Variants in MACROD2 observed in about 807,000 individuals in gnomAD.
MACROD2 encodes the protein mono-ADP ribosylhydrolase 2, also known as ADP-ribose glycohydrolase MACROD2.
MACROD2 carries 36 observed loss-of-function variants against 70.4 expected under a neutral mutation model. That is an observed-to-expected ratio of 0.51 (90% CI 0.39 to 0.68). MACROD2 has a LOEUF of 0.68. MACROD2 is among the 30% of genes least tolerant of loss of function. The pLI, the probability that MACROD2 is intolerant of heterozygous loss-of-function variation, is 0.00. For synonymous variants in MACROD2, 172 were observed against 178.8 expected, an observed-to-expected ratio of 0.96 and a Z score of 0.30; for missense variants, 496 against 538.4, an observed-to-expected ratio of 0.92 and a Z score of 0.78.
chr20:14,559,535 A>G (rs1979286873), intron 4 of MACROD2, among the ~76,000 whole-genome samples: 1 of 151,764 alleles, frequency 6.6e-6, no homozygotes, highest in South Asian at 2.1e-4. Context: ...TTCAAGCATT[A>G]TCTTTTAACC....
intron 5 of MACROD2, among the ~76,000 whole-genome samples, chr20:15,193,419 G>A (rs143271851): frequency 1.1e-3 from 172 of 152,200 alleles, no homozygotes; most frequent in African/African-American, 3.9e-3. Flanking sequence ...GAGGTGGGAG[G>A]ATGACGTGAG....
intron 6 of MACROD2, among the ~76,000 whole-genome samples, chr20:15,382,529 A>G (rs552624191): frequency 6.6e-6 from 1 of 152,226 alleles, no homozygotes; most frequent in Non-Finnish European, 1.5e-5. Context: ...GAATAAACGT[A>G]GACAGGAATG....
At chr20:15,658,440 C>A (rs930210113) in intron 8 of MACROD2, among the ~76,000 whole-genome samples, 11 of 152,116 alleles carry the variant, frequency 7.2e-5, no homozygotes, top group African/African-American at 2.7e-4. Context: ...AAGGCAGTAT[C>A]TGTTTTCTGG....
intron 5 of MACROD2, among the ~76,000 whole-genome samples, chr20:14,863,636 G>T (rs2073396590): frequency 6.6e-6 from 1 of 151,858 alleles, no homozygotes; most frequent in East Asian, 1.9e-4. Context: ...AGACATATCT[G>T]GCTTAATATA....
intron 4 of MACROD2, among the ~76,000 whole-genome samples, chr20:14,560,892 A>G (rs531223981): frequency 2.3e-4 from 35 of 152,010 alleles, no homozygotes; most frequent in African/African-American, 7.5e-4. Context: ...TCTCTTATGA[A>G]TAGACTTTAG....
intron 5 of MACROD2, among the ~76,000 whole-genome samples, chr20:14,707,603 G>A (rs192195857): frequency 4.2e-4 from 64 of 152,166 alleles, no homozygotes; most frequent in South Asian, 1.5e-3. Context: ...CATAAAGATC[G>A]GGGTGAATTT....
chr20:14,858,680 A>T (rs923109761), intron 5 of MACROD2, among the ~76,000 whole-genome samples: 11 of 152,160 alleles, frequency 7.2e-5, no homozygotes, highest in Non-Finnish European at 5.9e-5. Context: ...GTGTGAATGC[A>T]TTAAGGACAG....
chr20:14,892,623 A>G (rs1438119512), intron 5 of MACROD2: 4 of 152,190 alleles, frequency 2.6e-5, no homozygotes, highest in Non-Finnish European at 5.9e-5. Context: ...GTTATGCAAT[A>G]GATCTCTAGA....
chr20:14,497,834 C>T lies in MACROD2; in HGVS notation c.301+4326C>T, dbSNP rs912266919. Among the ~76,000 whole-genome samples, 13 of 151,874 alleles carry T rather than the reference C, an allele frequency of 8.6e-5. 1 individual carries two copies. Among genetic ancestry groups the T allele is most frequent in the African/African-American group, 3.2e-4 (13 of 41,150 alleles). ...CCTTATTCCTGAGTTGATTCTGTGG[C>T]AGGTTAATAGATAAGTACTGTTGTC... On this transcript the variant is annotated intron_variant, in intron 4 of 17. Transcript: ENST00000684519.
chr20:15,239,847 T>G (rs2077045619), intron 6 of MACROD2, among the ~76,000 whole-genome samples: 1 of 152,230 alleles, frequency 6.6e-6, no homozygotes, highest in Non-Finnish European at 1.5e-5. Context: ...TTGAATGCTC[T>G]CTTTACCATC....
intron 6 of MACROD2, among the ~76,000 whole-genome samples, chr20:15,361,611 A>T (rs1344217082): frequency 6.6e-6 from 1 of 152,204 alleles, no homozygotes; most frequent in African/African-American, 2.4e-5. Context: ...CAGAATTTTT[A>T]TTGGAATTGT....
At chr20:14,818,272 G>A (rs910047851) in intron 5 of MACROD2, among the ~76,000 whole-genome samples, 49 of 152,138 alleles carry the variant, frequency 3.2e-4, no homozygotes, top group African/African-American at 1.1e-3. Flanking sequence ...AATCCTTGAG[G>A]TGCAAATGAA....
chr20:14,878,001 G>A (rs540446911), intron 5 of MACROD2, among the ~76,000 whole-genome samples: 1 of 152,188 alleles, frequency 6.6e-6, no homozygotes, highest in South Asian at 2.1e-4. Flanking sequence ...AGGAGTTAGG[G>A]AAGAGTCCCT....
At chr20:15,386,243 A>G (rs1272024828) in intron 6 of MACROD2, among the ~76,000 whole-genome samples, 1 of 152,210 alleles carries the variant, frequency 6.6e-6, no homozygotes, top group East Asian at 1.9e-4. Flanking sequence ...GCCCTGAGCT[A>G]TGTTATATCT....
intron 5 of MACROD2, among the ~76,000 whole-genome samples, chr20:15,145,366 A>G (rs1239488045): frequency 6.6e-6 from 1 of 150,912 alleles, no homozygotes; most frequent in Non-Finnish European, 1.5e-5. Flanking sequence ...GAATTACTCT[A>G]TTTTTTTTTG....
intron 17 of MACROD2, among the ~76,000 whole-genome samples, chr20:16,046,345 T>TA (rs1214826617): frequency 6.7e-6 from 1 of 148,324 alleles, no homozygotes. Context: ...TTTTTTTTTT[T>TA]ACTTTCTTTA....
At chr20:14,515,469 A>ACACACGCGCGCGCGCGCGCG (rs1555798355) in intron 4 of MACROD2, among the ~76,000 whole-genome samples, 7 of 143,728 alleles carry the variant, frequency 4.9e-5, no homozygotes, top group African/African-American at 1.9e-4. Context: ...ACACACGCAC[A>ACACACGCGCGCGCGCGCGCG]CACACACACA....
intron 6 of MACROD2, among the ~76,000 whole-genome samples, chr20:15,327,076 A>C (rs947445656): frequency 6.6e-6 from 1 of 152,202 alleles, no homozygotes; most frequent in African/African-American, 2.4e-5. Flanking sequence ...CTTCATAAGG[A>C]AATGAAGACC....
intron 8 of MACROD2, among the ~76,000 whole-genome samples, chr20:15,855,103 A>T (rs968985253): frequency 6.6e-6 from 1 of 152,320 alleles, no homozygotes; most frequent in East Asian, 1.9e-4. Flanking sequence ...AATTACATTC[A>T]TCAGAATCCA....
Sources: gnomAD v4.1 joint callset for allele counts (sites outside exome capture counted in the v4.1 genomes callset) on GRCh38, gnomAD v4.1.1 for gene constraint, MANE v1.5 for transcripts, NCBI Gene and HGNC (gene_info 2026-07-23, HGNC 2026-07-21) for gene names.